The following PPP2R5C variants were observed in gnomAD, a reference collection of about 807,000 sequenced individuals.
The protein encoded by PPP2R5C is protein phosphatase 2 regulatory subunit B'gamma.
PPP2R5C carries 7 observed loss-of-function variants against 68.9 expected under a neutral mutation model. The ratio of observed to expected loss-of-function variants is 0.10; its 90% CI spans 0.06 to 0.19. The LOEUF (loss-of-function observed/expected upper bound fraction) is 0.19. Among genes scored for constraint, PPP2R5C ranks in the 10% least tolerant of loss-of-function variants. PPP2R5C has a pLI of 1.00. For synonymous variants in PPP2R5C, 210 were observed against 222.2 expected (o/e 0.95, Z 0.49); for missense variants, 348 against 641.3 (o/e 0.54, Z 4.94).
At chr14:101,900,775 C>G (rs909285187) in intron 8 of PPP2R5C, among the ~76,000 whole-genome samples, 8 of 152,238 alleles carry the variant, frequency 5.3e-5, no homozygotes, top group African/African-American at 1.9e-4. Flanking sequence ...AAAACATCCA[C>G]TATCCACAAA....
chr14:101,774,208 T>G (rs2037299842), intron 2 of PPP2R5C, among the ~76,000 whole-genome samples: 1 of 152,228 alleles, frequency 6.6e-6, no homozygotes, highest in Non-Finnish European at 1.5e-5. Flanking sequence ...GGGCTTGTCA[T>G]CTGACCACTT....
At chr14:101,873,028 A>G (rs1006375152) in intron 2 of PPP2R5C, among the ~76,000 whole-genome samples, 7 of 150,712 alleles carry the variant, frequency 4.6e-5, no homozygotes, top group African/African-American at 1.7e-4. Flanking sequence ...ATTACAGTAA[A>G]TTTTTCATTT....
intron 1 of PPP2R5C, among the ~76,000 whole-genome samples, chr14:101,841,037 A>G (rs555830842): frequency 6.6e-6 from 1 of 152,186 alleles, no homozygotes; most frequent in East Asian, 1.9e-4. Context: ...TATTGAGGAC[A>G]TGCTATATTT....
At chr14:101,856,469 A>G (rs1448855808) in intron 1 of PPP2R5C, among the ~76,000 whole-genome samples, 1 of 152,210 alleles carries the variant, frequency 6.6e-6, no homozygotes, top group African/African-American at 2.4e-5. Context: ...GTTAAAAAGC[A>G]TAAAAACTTC....
chr14:101,775,749 C>A (rs1425100930), intron 2 of PPP2R5C, among the ~76,000 whole-genome samples: 1 of 152,194 alleles, frequency 6.6e-6, no homozygotes, highest in Non-Finnish European at 1.5e-5. Context: ...ACCTGAACTC[C>A]TGCATAATTT....
chr14:101,768,200 GC>G (rs1566820994), intron 2 of PPP2R5C, among the ~76,000 whole-genome samples: 1 of 152,102 alleles, frequency 6.6e-6, no homozygotes, highest in Non-Finnish European at 1.5e-5. Context: ...GGATCAAATC[GC>G]CCCCTGTTGA....
At chr14:101,793,883 C>T (rs185534582) in intron 3 of PPP2R5C, among the ~76,000 whole-genome samples, 1 of 152,300 alleles carries the variant, frequency 6.6e-6, no homozygotes, top group Non-Finnish European at 1.5e-5. Context: ...TGAAGTCTGG[C>T]TGTCTCCAGC....
At chr14:101,883,407 A>G in intron 4 of PPP2R5C, 25 bp from the exon 7 acceptor site, 2 of 1,612,450 alleles carry the variant, frequency 1.2e-6, no homozygotes, top group South Asian at 1.1e-5. Flanking sequence ...ACACCCAGCC[A>G]CTAAGTGTCT....
chr14:101,850,538 C>A (rs780432687), intron 1 of PPP2R5C, among the ~76,000 whole-genome samples: 1 of 152,114 alleles, frequency 6.6e-6, no homozygotes, highest in African/African-American at 2.4e-5. Flanking sequence ...CTCAATCCTG[C>A]CAAATTCTTA....
intron 1 of PPP2R5C, among the ~76,000 whole-genome samples, chr14:101,851,182 A>G (rs527626011): frequency 1.3e-5 from 2 of 152,324 alleles, no homozygotes; most frequent in South Asian, 2.1e-4. Flanking sequence ...CGTCATCCCA[A>G]CATTTTTGGG....
intron 1 of PPP2R5C, among the ~76,000 whole-genome samples, chr14:101,841,551 C>T (rs1247852842): frequency 6.6e-6 from 1 of 152,228 alleles, no homozygotes. Flanking sequence ...CACTCTGTGC[C>T]TCCGGAGATG....
At chr14:101,923,907 C>T (rs1444660632) in intron 13 of PPP2R5C, among the ~76,000 whole-genome samples, 2 of 117,578 alleles carry the variant, frequency 1.7e-5, no homozygotes, top group East Asian at 2.0e-4. Context: ...ATTTGTAAGG[C>T]GTTTTTACGC....
At chr14:101,862,074 A>G (rs1350063675) in intron 2 of PPP2R5C, among the ~76,000 whole-genome samples, 1 of 152,010 alleles carries the variant, frequency 6.6e-6, no homozygotes, top group Non-Finnish European at 1.5e-5. Context: ...CACCATACCC[A>G]GCTGATTTTT....
chr14:101,907,700 G>A (rs752066316), intron 10 of PPP2R5C, among the ~76,000 whole-genome samples: 10 of 152,170 alleles, frequency 6.6e-5, no homozygotes, highest in African/African-American at 1.2e-4. Context: ...GCTGGTGAGC[G>A]GCACTCTGGC....
intron 9 of PPP2R5C, 48 bp downstream of exon 11, chr14:101,901,937 G>T: frequency 6.3e-7 from 1 of 1,582,874 alleles, no homozygotes. Context: ...GTGTTCATTT[G>T]GGAAAGGAAA....
At position 101,797,103 on chromosome 14, in the gene PPP2R5C, C is replaced by A; in HGVS notation, c.259+10920C>A. On this transcript the variant is annotated intron_variant, in intron 3 of 14. Coordinates refer to the PPP2R5C transcript ENST00000328724. This position sits in a 1 kb window ranked among gnomAD's most constrained non-coding sequence, Gnocchi z 4.2. ...AGTAAGTGGCTGTCTCCCCATTCTG[C>A]TTTCTGTCTCTATGATTTTGCCCAC... 2.2e-6 allele frequency: 1 copy of A among 454,094 alleles called. No individual in the cohort carries two copies. Among genetic ancestry groups the A allele is most frequent in the Non-Finnish European group, 4.4e-6 (1 of 225,224 alleles). 28.1% of individuals were successfully genotyped at this position (454,094 alleles called of 1,614,324 possible).
chr14:101,764,044 C>T (rs1429895670), intron 2 of PPP2R5C, among the ~76,000 whole-genome samples: 1 of 149,276 alleles, frequency 6.7e-6, no homozygotes, highest in Non-Finnish European at 1.5e-5. Context: ...CGCGCACTTG[C>T]GCGTCGGCCA....
At position 101,882,351 on chromosome 14, in the gene PPP2R5C, G is replaced by A; in HGVS notation, c.405+80G>A. 6 of 1,089,480 alleles carry A rather than the reference G, an allele frequency of 5.5e-6. No homozygotes were observed. Among genetic ancestry groups the A allele is most frequent in the Non-Finnish European group, 7.9e-6 (6 of 758,228 alleles). 67.5% of individuals were successfully genotyped at this position (1,089,480 alleles called of 1,614,324 possible). A position where few individuals can be genotyped will look rare whatever the true frequency, so the allele number is the denominator to read the frequency against. ...CTGGGATCCACAGAGCGGGCGCACT[G>A]GTCTGGCCAGATGGACCTCTCCTCC... On this transcript the variant is annotated intron_variant, in intron 3 of 13. Coordinates refer to ENST00000334743, the Ensembl canonical transcript of PPP2R5C. This position sits in a 1 kb window ranked among gnomAD's most constrained non-coding sequence, Gnocchi z 4.9.
At chr14:101,836,637 A>C in intron 1 of PPP2R5C, 2 of 456,568 alleles carry the variant, frequency 4.4e-6, no homozygotes, top group Non-Finnish European at 7.8e-6. Context: ...CTATAATTTC[A>C]GTTACATTTA....
Sources: allele counts gnomAD v4.1 joint callset (sites outside exome capture counted in the v4.1 genomes callset), GRCh38; gene constraint gnomAD v4.1.1; non-coding constraint Gnocchi (gnomAD v3.1); transcripts MANE v1.5; gene names NCBI Gene and HGNC (gene_info 2026-07-23, HGNC 2026-07-21).